Variants in TRAPPC9 observed in about 807,000 individuals in gnomAD.
The protein encoded by TRAPPC9 is trafficking protein particle complex subunit 9, also known as IKK2 binding protein.
A neutral mutation model predicts 124.0 loss-of-function variants in TRAPPC9; 83 were observed. The observed-to-expected ratio is 0.67, with a 90% CI of 0.56 to 0.80. The LOEUF is 0.80. Ranked by LOEUF, TRAPPC9 falls within the 30% of genes least tolerant of loss-of-function variation. The pLI, the probability that TRAPPC9 is intolerant of heterozygous loss-of-function variation, is 0.00. For synonymous variants in TRAPPC9, 638 were observed against 617.5 expected, an observed-to-expected ratio of 1.03 and a Z score of -0.49; for missense variants, 1,302 against 1,508.3, an observed-to-expected ratio of 0.86 and a Z score of 2.27.
chr8:140,228,706 T>C (rs1338941135), intron 16 of TRAPPC9, among the ~76,000 whole-genome samples: 1 of 152,206 alleles, frequency 6.6e-6, no homozygotes, highest in Non-Finnish European at 1.5e-5. Context: ...TTCTGGGTGG[T>C]TCCCAGCTTG....
intron 8 of TRAPPC9, among the ~76,000 whole-genome samples, chr8:140,366,189 T>C (rs2068102656): frequency 6.6e-6 from 1 of 152,232 alleles, no homozygotes; most frequent in African/African-American, 2.4e-5. Flanking sequence ...TTGAGGTTGA[T>C]TCCATATCTT....
chr8:139,762,763 G>T (rs1820326216), intron 21 of TRAPPC9, among the ~76,000 whole-genome samples: 1 of 152,180 alleles, frequency 6.6e-6, no homozygotes, highest in Admixed American at 6.5e-5. Context: ...GGTGCGGAGG[G>T]CACCTGGGAA....
At position 139,768,336 on chromosome 8, in the gene TRAPPC9, G is replaced by A. The variant is rs556863066; in HGVS notation, c.3056-36134C>T. ...TGGAGCCACAGCAGTGAATATGACA[G>A]CTGTGACCCTAGCTCCTGCAGTTCC... On this transcript the variant is annotated intron_variant, in intron 21 of 22. Transcript: ENST00000438773. Among the ~76,000 whole-genome samples the A allele has an allele frequency of 7.3e-4, 111 of 152,352 alleles. No individual in the cohort carries two copies. The South Asian group carries it at 0.023, about 31-fold the overall frequency.
chr8:140,190,068 G>A (rs983350481), intron 17 of TRAPPC9, among the ~76,000 whole-genome samples: 13 of 152,314 alleles, frequency 8.5e-5, no homozygotes, highest in African/African-American at 2.9e-4. Context: ...GCTAACAAGC[G>A]CCTGTTGACC....
At chr8:140,283,579 A>T (rs938781400) in intron 14 of TRAPPC9, among the ~76,000 whole-genome samples, 1 of 151,782 alleles carries the variant, frequency 6.6e-6, no homozygotes, top group Admixed American at 6.6e-5. Context: ...TACACATGTG[A>T]GCCACCGCGC....
At chr8:140,229,632 G>A (rs7016439) in intron 16 of TRAPPC9, among the ~76,000 whole-genome samples, 96,240 of 151,618 alleles carry the variant, frequency 0.63, 31,349 homozygotes, top group Admixed American at 0.72. Flanking sequence ...GTAGCGGCGC[G>A]ATCTCGGCTC....
chr8:140,450,909 C>CCA lies in TRAPPC9; in HGVS notation c.464_465insTG (p.Phe156GlyfsTer34). ...GACGCTTGGACTCCAGCACGATGAA[C>CCA]AGTGACTCGATGAAGTCCTCGATTC... is the stretch of plus-strand genomic sequence containing the variant. On this transcript the variant is annotated frameshift_variant, in exon 2 of 23. Transcript: ENST00000438773. LOFTEE classifies it high-confidence loss of function. 1 of 1,614,168 alleles carries CCA rather than the reference C, an allele frequency of 6.2e-7. No homozygotes were observed. The highest frequency in any genetic ancestry group is 8.5e-7 in the Non-Finnish European group (1 of 1,180,032).
chr8:139,923,405 A>G (rs969638398), intron 19 of TRAPPC9, among the ~76,000 whole-genome samples: 5 of 152,174 alleles, frequency 3.3e-5, no homozygotes, highest in African/African-American at 7.2e-5. Context: ...ATCTGAACAC[A>G]TGGGAGCTGC....
At chr8:139,831,823 G>A (rs1434520415) in intron 21 of TRAPPC9, among the ~76,000 whole-genome samples, 1 of 152,238 alleles carries the variant, frequency 6.6e-6, no homozygotes, top group Non-Finnish European at 1.5e-5. Flanking sequence ...TGCTCGGAGT[G>A]TCTCGGCCTG....
intron 21 of TRAPPC9, among the ~76,000 whole-genome samples, chr8:139,847,707 T>C (rs1586978231): frequency 6.7e-6 from 1 of 149,574 alleles, no homozygotes; most frequent in East Asian, 2.0e-4. Context: ...GGCCTGTGGA[T>C]GGGCATGAGC....
chr8:139,776,777 G>A lies in TRAPPC9; in HGVS notation c.3056-44575C>T, dbSNP rs146307003. 8.3e-4 allele frequency among the ~76,000 whole-genome samples: 127 copies of A among 152,286 alleles called. 1 individual carries two copies. The highest frequency in any genetic ancestry group is 2.8e-3 in the African/African-American group (117 of 41,546). ...GAATGATAAATCTTACCTGGGAAACGACTGCATAAGAAGTTCCTCAGGGAA... is the reference window on the plus strand; with the variant it reads ...GAATGATAAATCTTACCTGGGAAACAACTGCATAAGAAGTTCCTCAGGGAA... On this transcript the variant is annotated intron_variant, in intron 21 of 22. Coordinates refer to ENST00000438773, the MANE Select transcript of TRAPPC9 (RefSeq NM_001160372.4). The surrounding 1 kb of genome is among the most constrained non-coding windows in gnomAD (Gnocchi z 4.1).
chr8:140,157,096 G>A (rs74949740), intron 17 of TRAPPC9, among the ~76,000 whole-genome samples: 817 of 41,290 alleles, frequency 0.02, 63 homozygotes, highest in East Asian at 0.073. Flanking sequence ...TTTCCATTCA[G>A]AAGCCTCCCT....
chr8:140,326,860 G>T (rs536897000), intron 9 of TRAPPC9, among the ~76,000 whole-genome samples: 7 of 152,242 alleles, frequency 4.6e-5, no homozygotes, highest in African/African-American at 1.7e-4. Flanking sequence ...CAGCCTTGGT[G>T]ACAGAGCGAG....
intron 16 of TRAPPC9, among the ~76,000 whole-genome samples, chr8:140,244,799 CCTTTTT>C (rs1475565483): frequency 2.3e-5 from 3 of 128,230 alleles, no homozygotes; most frequent in Non-Finnish European, 4.7e-5. Context: ...GTTTCCAATT[CCTTTTT>C]TTTTTTTTTT....
chr8:139,812,664 T>G (rs1045867411), intron 21 of TRAPPC9, among the ~76,000 whole-genome samples: 4 of 152,162 alleles, frequency 2.6e-5, no homozygotes, highest in Non-Finnish European at 5.9e-5. Context: ...AAAATGTTAA[T>G]GAGTTAAATA....
At chr8:140,421,119 A>C (rs1024434613) in intron 5 of TRAPPC9, among the ~76,000 whole-genome samples, 8 of 152,228 alleles carry the variant, frequency 5.3e-5, no homozygotes, top group African/African-American at 1.9e-4. Flanking sequence ...AATTCTGTGC[A>C]TAAGACAGGA....
intron 21 of TRAPPC9, among the ~76,000 whole-genome samples, chr8:139,866,348 G>C (rs534722722): frequency 6.6e-6 from 1 of 152,316 alleles, no homozygotes; most frequent in South Asian, 2.1e-4. Context: ...CAGATGGTCA[G>C]GGGGCCTTAG....
chr8:140,411,898 G>A (rs1460106904), intron 5 of TRAPPC9, among the ~76,000 whole-genome samples: 7 of 152,114 alleles, frequency 4.6e-5, no homozygotes, highest in East Asian at 1.9e-4. Context: ...AGTAAAATGC[G>A]AATAAACACA....
intron 17 of TRAPPC9, among the ~76,000 whole-genome samples, chr8:140,202,536 A>G (rs1280040035): frequency 2.6e-5 from 4 of 152,246 alleles, no homozygotes; most frequent in Non-Finnish European, 4.4e-5. Context: ...GCCACTTTAT[A>G]AAAGTAGAAA....
Sources: allele counts gnomAD v4.1 joint callset (sites outside exome capture counted in the v4.1 genomes callset), GRCh38; gene constraint gnomAD v4.1.1; non-coding constraint Gnocchi (gnomAD v3.1); transcripts MANE v1.5; gene names NCBI Gene and HGNC (gene_info 2026-07-23, HGNC 2026-07-21).